The following THSD4 variants were observed in gnomAD, a reference collection of about 807,000 sequenced individuals.
THSD4 encodes thrombospondin type 1 domain containing 4, also known as thrombospondin type-1 domain-containing protein 4.
In THSD4, 69 loss-of-function variants were observed where a neutral mutation model predicts 119.0. That is an observed-to-expected ratio of 0.58 (90% CI 0.48 to 0.71). The LOEUF is 0.71. Among genes scored for constraint, THSD4 ranks in the 30% least tolerant of loss-of-function variants. The pLI is 0.00. For synonymous variants in THSD4, 524 were observed against 540.4 expected, an observed-to-expected ratio of 0.97 and a Z score of 0.42; for missense variants, 1,393 against 1,391.1, an observed-to-expected ratio of 1.00 and a Z score of -0.02.
At chr15:71,403,465 T>C (rs1183090458) in intron 6 of THSD4, among the ~76,000 whole-genome samples, 1 of 152,222 alleles carries the variant, frequency 6.6e-6, no homozygotes, top group East Asian at 1.9e-4. Context: ...TTATCTTTTC[T>C]TTGTCCCAGT....
chr15:71,289,976 T>TG (rs1038747683), intron 6 of THSD4, among the ~76,000 whole-genome samples: 1 of 152,096 alleles, frequency 6.6e-6, no homozygotes, highest in Non-Finnish European at 1.5e-5. Context: ...TGCCCGGGCA[T>TG]GGGGGGAGTA....
At position 71,567,480 on chromosome 15, in the gene THSD4, A is replaced by G. The variant is rs372128431; in HGVS notation, c.1153-93050A>G. Among the ~76,000 whole-genome samples, 13 of 152,286 alleles carry G rather than the reference A, an allele frequency of 8.5e-5. No homozygotes were observed. The East Asian group carries it at 2.5e-3, about 29-fold the overall frequency. ...CACACCTCAGAATTACCCAGCAATG[A>G]AGCAAGGAAGCAGGCATATTTGTCC... is the stretch of plus-strand genomic sequence containing the variant. On this transcript the variant is annotated intron_variant, in intron 7 of 17. Coordinates refer to ENST00000261862, the MANE Select transcript of THSD4 (RefSeq NM_024817.3).
chr15:71,367,412 A>G (rs1239205436), intron 6 of THSD4, among the ~76,000 whole-genome samples: 1 of 152,200 alleles, frequency 6.6e-6, no homozygotes, highest in Non-Finnish European at 1.5e-5. Flanking sequence ...CATTTACATT[A>G]GGTATATCTC....
chr15:71,719,930 C>T (rs558553467), intron 8 of THSD4, among the ~76,000 whole-genome samples: 61 of 152,230 alleles, frequency 4.0e-4, no homozygotes, highest in African/African-American at 1.4e-3. Flanking sequence ...CCTGCCTCGG[C>T]CTCGCAAAGT....
At chr15:71,702,434 G>A (rs993787997) in intron 8 of THSD4, among the ~76,000 whole-genome samples, 11 of 152,126 alleles carry the variant, frequency 7.2e-5, no homozygotes, top group African/African-American at 1.4e-4. Flanking sequence ...TAAGGAAGGG[G>A]AGGCCCAGAG....
chr15:71,593,095 C>T (rs561394243), intron 7 of THSD4, among the ~76,000 whole-genome samples: 1 of 152,240 alleles, frequency 6.6e-6, no homozygotes, highest in South Asian at 2.1e-4. Flanking sequence ...GGTTTCTATC[C>T]TGTCCCCAGC....
intron 3 of THSD4, among the ~76,000 whole-genome samples, chr15:71,204,076 A>C (rs1596267598): frequency 6.6e-6 from 1 of 152,200 alleles, no homozygotes; most frequent in Admixed American, 6.5e-5. Context: ...CGTGGAGAGC[A>C]TGAGGCTATC....
At chr15:71,453,897 C>T (rs1342782207) in intron 7 of THSD4, among the ~76,000 whole-genome samples, 2 of 152,158 alleles carry the variant, frequency 1.3e-5, no homozygotes, top group Non-Finnish European at 2.9e-5. Flanking sequence ...AACCTGGTTT[C>T]CATGGTGGGG....
Position 71,592,728 on chromosome 15 carries a change from C to T in THSD4, c.1153-67802C>T, listed in dbSNP as rs146869360. 1.3e-4 allele frequency among the ~76,000 whole-genome samples: 20 copies of T among 152,104 alleles called. No individual in the cohort carries two copies. The South Asian group carries it at 1.7e-3, about 13-fold the overall frequency. The stretch of plus-strand genomic sequence containing the variant: ...TTTCAAATGTTTGGAACGTAGCCTG[C>T]CTCTAGGTTGAGAACAGCATGCATT... On this transcript the variant is annotated intron_variant, in intron 7 of 17. Coordinates refer to ENST00000261862, the MANE Select transcript of THSD4 (RefSeq NM_024817.3).
chr15:71,571,494 T>C (rs934112671), intron 7 of THSD4, among the ~76,000 whole-genome samples: 1 of 152,122 alleles, frequency 6.6e-6, no homozygotes, highest in Non-Finnish European at 1.5e-5. Flanking sequence ...TCCCTGGGCT[T>C]ATATTTCAAA....
intron 7 of THSD4, among the ~76,000 whole-genome samples, chr15:71,493,420 A>G (rs1030256029): frequency 2.0e-5 from 3 of 152,330 alleles, no homozygotes; most frequent in Middle Eastern, 6.8e-3. Context: ...CTATTTATGT[A>G]GCACCCCACA....
intron 8 of THSD4, among the ~76,000 whole-genome samples, chr15:71,718,547 C>T (rs918944844): frequency 6.6e-6 from 1 of 152,166 alleles, no homozygotes; most frequent in African/African-American, 2.4e-5. Context: ...CTCCTAAAAC[C>T]AGATTTCAGT....
chr15:71,111,073 T>G (rs763116971), upstream of THSD4: 1 of 1,470,374 alleles, frequency 6.8e-7, no homozygotes, highest in Non-Finnish European at 9.2e-7. Context: ...GTATTATCAT[T>G]TGCAAAGAGG....
At chr15:71,118,140 C>T (rs541241568) in intron 1 of THSD4, among the ~76,000 whole-genome samples, 59 of 152,108 alleles carry the variant, frequency 3.9e-4, no homozygotes, top group African/African-American at 1.3e-3. Flanking sequence ...GAGGAAAGAG[C>T]TCGAGGAAAG....
intron 6 of THSD4, among the ~76,000 whole-genome samples, chr15:71,283,321 G>A (rs2044678871): frequency 6.6e-6 from 1 of 152,084 alleles, no homozygotes; most frequent in Admixed American, 6.5e-5. Context: ...AAGCTCATAT[G>A]GCCAATGAGA....
intron 7 of THSD4, among the ~76,000 whole-genome samples, chr15:71,625,829 A>AGATT (rs1302956574): frequency 1.3e-5 from 2 of 152,304 alleles, no homozygotes; most frequent in East Asian, 3.9e-4. Flanking sequence ...AAGAGGTGAT[A>AGATT]GATTGCTAAG....
At chr15:71,738,549 A>T (rs2053173253) in intron 11 of THSD4, among the ~76,000 whole-genome samples, 1 of 152,180 alleles carries the variant, frequency 6.6e-6, no homozygotes, top group South Asian at 2.1e-4. Flanking sequence ...AAGGATAGGG[A>T]TTCGAGTTAA....
chr15:71,672,267 T>C (rs1027433591), intron 8 of THSD4, among the ~76,000 whole-genome samples: 3 of 152,222 alleles, frequency 2.0e-5, no homozygotes, highest in Non-Finnish European at 4.4e-5. Context: ...GGGAGTTCAC[T>C]CATGATTTGG....
intron 6 of THSD4, among the ~76,000 whole-genome samples, chr15:71,362,845 C>A (rs771770253): frequency 2.0e-5 from 3 of 152,036 alleles, no homozygotes; most frequent in Non-Finnish European, 4.4e-5. Context: ...TATGTATACT[C>A]ACTGCTTCCC....
Sources: gnomAD v4.1 joint callset for allele counts (sites outside exome capture counted in the v4.1 genomes callset) on GRCh38, gnomAD v4.1.1 for gene constraint, MANE v1.5 for transcripts, NCBI Gene and HGNC (gene_info 2026-07-23, HGNC 2026-07-21) for gene names.